Variants in RYK observed in about 807,000 individuals in gnomAD.
RYK encodes inactive tyrosine-protein kinase RYK.
A neutral mutation model predicts 70.2 loss-of-function variants in RYK; 21 were observed. The ratio of observed to expected loss-of-function variants is 0.30; its 90% CI spans 0.21 to 0.43. The LOEUF is 0.43. Among genes scored for constraint, RYK ranks in the 20% least tolerant of loss-of-function variants. The pLI is 1.00. For missense variants in RYK, 604 were observed against 753.3 expected, an observed-to-expected ratio of 0.80 and a Z score of 2.32; for synonymous variants, 267 against 278.0, an observed-to-expected ratio of 0.96 and a Z score of 0.39.
intron 10 of RYK, chr3:134,179,228 G>C (rs1328572758): frequency 6.6e-6 from 1 of 152,206 alleles, no homozygotes; most frequent in Non-Finnish European, 1.5e-5. Flanking sequence ...TCTTTAAGTT[G>C]TAAGACTATA....
At chr3:134,166,756 C>T (rs899119090) in intron 13 of RYK, among the ~76,000 whole-genome samples, 2 of 152,134 alleles carry the variant, frequency 1.3e-5, no homozygotes, top group African/African-American at 4.8e-5. Context: ...AGTAAATTAT[C>T]CTGAGGGAGA....
intron 14 of RYK, among the ~76,000 whole-genome samples, 198 bp from the exon 15 acceptor site, chr3:134,158,462 C>G (rs1440218533): frequency 6.6e-6 from 1 of 152,164 alleles, no homozygotes; most frequent in Non-Finnish European, 1.5e-5. Context: ...GTGTGAATTT[C>G]AATTCTTCAT....
chr3:134,209,161 T>G (rs1274036807), intron 4 of RYK, among the ~76,000 whole-genome samples: 5 of 152,190 alleles, frequency 3.3e-5, no homozygotes, highest in African/African-American at 1.2e-4. Flanking sequence ...ACATACGGTA[T>G]TCTAAGTTTT....
At chr3:134,245,045 G>A (rs891822148) in intron 1 of RYK, among the ~76,000 whole-genome samples, 2 of 152,178 alleles carry the variant, frequency 1.3e-5, no homozygotes, top group East Asian at 1.9e-4. Flanking sequence ...AAAACTGTGA[G>A]AAATAAATCT....
chr3:134,249,340 A>C (rs533938398), intron 1 of RYK, among the ~76,000 whole-genome samples: 1 of 152,330 alleles, frequency 6.6e-6, no homozygotes, highest in African/African-American at 2.4e-5. Context: ...ACACTGAGTC[A>C]ATCTCAACAC....
chr3:134,224,520 C>T (rs1261985122), intron 1 of RYK, among the ~76,000 whole-genome samples: 1 of 152,196 alleles, frequency 6.6e-6, no homozygotes, highest in African/African-American at 2.4e-5. Context: ...ACGTTTAGGC[C>T]TCCAGATGGC....
intron 14 of RYK, 147 bp downstream of exon 14, chr3:134,159,090 G>T (rs2012357979): frequency 1.2e-6 from 1 of 868,312 alleles, no homozygotes; most frequent in Non-Finnish European, 1.8e-6. Context: ...TGACTTTGTG[G>T]TTTTTTATAA....
At chr3:134,171,158 T>C (rs2012893600) in intron 13 of RYK, 9 of 152,168 alleles carry the variant, frequency 5.9e-5, no homozygotes, top group Admixed American at 5.9e-4. Flanking sequence ...CACCATTAAG[T>C]TAATGGTGAT....
At chr3:134,223,635 A>T (rs1307308730) in intron 1 of RYK, among the ~76,000 whole-genome samples, 8 of 151,682 alleles carry the variant, frequency 5.3e-5, no homozygotes, top group Admixed American at 5.3e-4. Flanking sequence ...CACACAGAGG[A>T]TTTCTCCATG....
intron 1 of RYK, among the ~76,000 whole-genome samples, chr3:134,242,954 C>A (rs1343356102): frequency 6.6e-6 from 1 of 152,194 alleles, no homozygotes; most frequent in African/African-American, 2.4e-5. Flanking sequence ...TCCACCAAAA[C>A]GCCTAGGGTT....
intron 2 of RYK, among the ~76,000 whole-genome samples, chr3:134,219,407 T>G (rs572995380): frequency 6.6e-6 from 1 of 152,330 alleles, no homozygotes; most frequent in South Asian, 2.1e-4. Context: ...CCACATTGCC[T>G]TTGTACTCAC....
intron 2 of RYK, among the ~76,000 whole-genome samples, chr3:134,219,189 C>T (rs1011862249): frequency 3.3e-5 from 5 of 152,072 alleles, no homozygotes; most frequent in Admixed American, 3.3e-4. Context: ...CACTGCTTCC[C>T]CTTCAAACAT....
At chr3:134,214,054 G>T (rs2014482481) in intron 2 of RYK, among the ~76,000 whole-genome samples, 1 of 152,068 alleles carries the variant, frequency 6.6e-6, no homozygotes, top group Non-Finnish European at 1.5e-5. Flanking sequence ...TGATCCACCT[G>T]TCTTGGCCTC....
chr3:134,167,456 T>C (rs2012713547), intron 13 of RYK, among the ~76,000 whole-genome samples: 1 of 152,136 alleles, frequency 6.6e-6, no homozygotes, highest in South Asian at 2.1e-4. Context: ...TCTACAACTA[T>C]CTGATCTTTG....
chr3:134,238,832 A>G (rs910870419), intron 1 of RYK, among the ~76,000 whole-genome samples: 1 of 152,244 alleles, frequency 6.6e-6, no homozygotes, highest in Non-Finnish European at 1.5e-5. Flanking sequence ...AAGATGGAAA[A>G]TAGACTGGAT....
chr3:134,186,972 T>A lies in RYK; in HGVS notation c.1102+1865A>T, dbSNP rs369132480. Among the ~76,000 whole-genome samples, 52 of 152,314 alleles carry A rather than the reference T, an allele frequency of 3.4e-4. No individual in the cohort carries two copies. The East Asian group carries it at 5.6e-3, about 16-fold the overall frequency. On this transcript the variant is annotated intron_variant, in intron 9 of 14. Transcript: ENST00000623711. The stretch of plus-strand genomic sequence containing the variant: ...AATTTTACATTTACAAAAAGTAATA[T>A]GTAAACTCTCCTAGTCAGAAAACCT...
In RYK at chr3:134,206,175, C is replaced by G. The variant is rs189641181; in HGVS notation, c.643+1297G>C. On this transcript the variant is annotated intron_variant, in intron 5 of 14. Transcript: ENST00000623711. ...ACATTATTTTACAGGCAAAAAAATT[C>G]CCCTTTGGGACATCCAGATACTCTG... Among the ~76,000 whole-genome samples the G allele has an allele frequency of 1.6e-4, 24 of 152,158 alleles. No homozygotes were observed. In the East Asian group the frequency reaches 3.1e-3, roughly 20 times the overall value.
Position 134,250,505 on chromosome 3 carries a change from C to CGGGGCG in RYK, c.144_149dup (p.Ala49_Pro50dup), listed in dbSNP as rs1355463336. 19 of 1,266,986 alleles carry CGGGGCG rather than the reference C, an allele frequency of 1.5e-5. No homozygotes were observed. Among genetic ancestry groups the CGGGGCG allele is most frequent in the South Asian group, 5.5e-5 (2 of 36,252 alleles). 78.5% of individuals were successfully genotyped at this position (1,266,986 alleles called of 1,614,324 possible). A position where few individuals can be genotyped will look rare whatever the true frequency, so the allele number is the denominator to read the frequency against. On this transcript the variant is annotated inframe_insertion, in exon 1 of 15. Transcript: ENST00000623711. ...AAGCCGACTGCAGCTCCGGGGGCCG[C>CGGGGCG]GGGGCGGGGGCGGCGGCAGCGCCAG...
chr3:134,183,225 CTACTGCAGTCTCATTAAA>C, intron 9 of RYK, 154 bp from the exon 10 acceptor site: 1 of 417,208 alleles, frequency 2.4e-6, no homozygotes. Flanking sequence ...GATAAAAATT[CTACTGCAGTCTCATTAAA>C]TAGGTCAATT....
Sources: allele counts gnomAD v4.1 joint callset (sites outside exome capture counted in the v4.1 genomes callset), GRCh38; gene constraint gnomAD v4.1.1; transcripts MANE v1.5; gene names NCBI Gene and HGNC (gene_info 2026-07-23, HGNC 2026-07-21).